ENPP3: variants seen among roughly 807,000 people sequenced by gnomAD.
The protein encoded by ENPP3 is ectonucleotide pyrophosphatase/phosphodiesterase 3.
ENPP3 carries 104 observed loss-of-function variants against 117.8 expected under a neutral mutation model. The observed-to-expected ratio is 0.88, with a 90% CI of 0.75 to 1.04. The LOEUF is 1.04. ENPP3 is among the 50% of genes least tolerant of loss of function. ENPP3 has a pLI of 0.00. For missense variants in ENPP3, 1,026 were observed against 1,051.9 expected (o/e 0.98, Z 0.34); for synonymous variants, 380 against 349.9 (o/e 1.09, Z -0.96).
intron 14 of ENPP3, among the ~76,000 whole-genome samples, chr6:131,690,907 ACT>A (rs935281893): frequency 1.3e-5 from 2 of 151,782 alleles, no homozygotes; most frequent in Non-Finnish European, 2.9e-5. Flanking sequence ...CAACATGTGG[ACT>A]CTCTAAATCC....
At position 131,734,272 on chromosome 6, in the gene ENPP3, T is replaced by TTTG. The variant is rs956264655; in HGVS notation, c.2089+570_2089+572dup. Among the ~76,000 whole-genome samples the TTTG allele has an allele frequency of 5.5e-3, 844 of 152,140 alleles. 9 individuals carry two copies. Among genetic ancestry groups the TTTG allele is most frequent in the African/African-American group, 0.019 (775 of 41,486 alleles). ...GAAGTAGCCAAATGAAATTTAAGTT[T>TTTG]TTGTTGTTGTTGTTGTTGTTGTTTT... On this transcript the variant is annotated intron_variant, in intron 21 of 24. Transcript: ENST00000357639.
chr6:131,662,065 G>C (rs1430859180), intron 6 of ENPP3, among the ~76,000 whole-genome samples: 1 of 152,098 alleles, frequency 6.6e-6, no homozygotes, highest in African/African-American at 2.4e-5. Flanking sequence ...ACTTTGAGTT[G>C]ATTTTTGTGT....
chr6:131,637,493 A>T (rs758025383), intron 1 of ENPP3, 31 bp downstream of exon 1: 1 of 1,257,894 alleles, frequency 7.9e-7, no homozygotes, highest in Non-Finnish European at 1.1e-6. Flanking sequence ...TAGTCTTTCT[A>T]GTTTTGTGAC....
Position 131,652,831 on chromosome 6 carries a change from G to A in ENPP3, c.404G>A (p.Gly135Glu). The change falls in exon 5 of 25, where the codon GGA becomes GAA. Residue 135 changes from glycine to glutamate, a missense_variant and splice_region_variant. Coordinates refer to ENST00000357639, the MANE Select transcript of ENPP3 (RefSeq NM_005021.5). Reference protein sequence around the residue: ...CCADYKSVCQGETSWLEENCD... With the variant: ...CCADYKSVCQEETSWLEENCD... ...AAGATTTTGATCTTATGCTTTTCAGGAGAAACCTCATGGCTGGAAGAAAAC... is the reference window on the plus strand; with the variant it reads ...AAGATTTTGATCTTATGCTTTTCAGAAGAAACCTCATGGCTGGAAGAAAAC... The A allele has an allele frequency of 6.2e-7, 1 of 1,613,082 alleles. No individual in the cohort carries two copies. The highest frequency in any genetic ancestry group is 8.5e-7 in the Non-Finnish European group (1 of 1,179,100).
At chr6:131,654,642 C>G (rs908471095) in intron 5 of ENPP3, among the ~76,000 whole-genome samples, 3 of 151,910 alleles carry the variant, frequency 2.0e-5, no homozygotes, top group Admixed American at 6.6e-5. Context: ...AGTGTTTTTC[C>G]ATGTTGCCCA....
chr6:131,690,821 A>G (rs1779261246), intron 14 of ENPP3, among the ~76,000 whole-genome samples: 1 of 151,888 alleles, frequency 6.6e-6, no homozygotes, highest in Admixed American at 6.6e-5. Context: ...AACTGTGGAC[A>G]TTCTTGCCCA....
chr6:131,641,360 C>T (rs1255122717), intron 1 of ENPP3, 95 bp from the exon 2 acceptor site: 3 of 704,092 alleles, frequency 4.3e-6, no homozygotes, highest in Non-Finnish European at 7.4e-6. Context: ...TAGTACGCTG[C>T]AGGTACTTAG....
chr6:131,674,428 G>A (rs937660802), intron 8 of ENPP3, 147 bp downstream of exon 8: 4 of 747,098 alleles, frequency 5.4e-6, no homozygotes, highest in African/African-American at 5.2e-5. Flanking sequence ...ACCACTATTT[G>A]TAACTTGAAT....
In ENPP3 at chr6:131,743,783, C is replaced by A. The variant is rs180943712; in HGVS notation, c.2458-3003C>A. ...GAAGTTGCAGTGAGTGGAGATCAGG[C>A]CACTGCACTCCAGCCTGGGCAACAG... On this transcript the variant is annotated intron_variant, in intron 24 of 24. Transcript: ENST00000357639. 1.1e-3 allele frequency among the ~76,000 whole-genome samples: 161 copies of A among 151,782 alleles called. 1 individual carries two copies. Among genetic ancestry groups the A allele is most frequent in the African/African-American group, 3.7e-3 (154 of 41,318 alleles).
intron 22 of ENPP3, 122 bp downstream of exon 22, chr6:131,737,554 G>C (rs1780425474): frequency 1.1e-5 from 7 of 632,234 alleles, no homozygotes; most frequent in Non-Finnish European, 1.9e-5. Flanking sequence ...TTGTTCTAAT[G>C]GTTTAAATAT....
At position 131,664,872 on chromosome 6, in the gene ENPP3, C is replaced by G. The variant is rs1266033652; in HGVS notation, c.563-6376C>G. Among the ~76,000 whole-genome samples, 7 of 152,100 alleles carry G rather than the reference C, an allele frequency of 4.6e-5. No homozygotes were observed. The East Asian group carries it at 1.3e-3, about 29-fold the overall frequency. On this transcript the variant is annotated intron_variant, in intron 6 of 24. Coordinates refer to ENST00000357639, the MANE Select transcript of ENPP3 (RefSeq NM_005021.5). ...TATGTTTGCACAATGATGGAATTGT[C>G]TAACAACACATTTCTAGGAATGTAT...
intron 1 of ENPP3, among the ~76,000 whole-genome samples, chr6:131,639,265 A>ATATATTTTT (rs371737976): frequency 1.8e-3 from 195 of 107,172 alleles, no homozygotes; most frequent in African/African-American, 7.4e-3. Flanking sequence ...ATATATATAT[A>ATATATTTTT]TTTTTTTTTT....
intron 20 of ENPP3, among the ~76,000 whole-genome samples, chr6:131,728,402 G>A (rs1780202749): frequency 6.6e-6 from 1 of 152,188 alleles, no homozygotes; most frequent in African/African-American, 2.4e-5. Context: ...AGTGGGCTCA[G>A]ACTAGGAGTT....
chr6:131,730,422 C>T (rs552773578), intron 20 of ENPP3, among the ~76,000 whole-genome samples: 2 of 152,308 alleles, frequency 1.3e-5, no homozygotes, highest in African/African-American at 2.4e-5. Flanking sequence ...ACTCATCCAA[C>T]ACATTTAGCA....
chr6:131,639,533 G>T (rs1300303099), intron 1 of ENPP3, among the ~76,000 whole-genome samples: 1 of 151,908 alleles, frequency 6.6e-6, no homozygotes, highest in East Asian at 1.9e-4. Context: ...CTCTCTAGTG[G>T]TTTTTGAGTA....
At chr6:131,672,447 G>A (rs1200683067) in intron 7 of ENPP3, among the ~76,000 whole-genome samples, 1 of 152,044 alleles carries the variant, frequency 6.6e-6, no homozygotes, top group African/African-American at 2.4e-5. Flanking sequence ...TGAGGTATGA[G>A]TGATAGTGAA....
rs535729818 is a variant in ENPP3, at chr6:131,733,705, G to A, written c.2071G>A (p.Gly691Ser). ...TTTAGCAGACAAGAATATCACCCAC[G>A]GCTTCCTCTATCCTCCTGGTTAGTA... ...FYLADKNITH[G>S]FLYPPASNRT... is the part of the protein sequence containing the mutation. Residue 691 changes from glycine (G) to serine (S), a missense_variant, in exon 21 of 25, where the codon GGC becomes AGC. Physicochemically the swap from Gly to Ser is moderately conservative, Grantham distance 56. Transcript: ENST00000357639. 1.5e-5 allele frequency: 25 copies of A among 1,613,984 alleles called. No homozygotes were observed. The highest frequency in any genetic ancestry group is 1.7e-4 in the Middle Eastern group (1 of 6,058).
intron 14 of ENPP3, among the ~76,000 whole-genome samples, chr6:131,692,661 AAT>A (rs947100860): frequency 5.4e-5 from 8 of 147,188 alleles, no homozygotes; most frequent in African/African-American, 9.9e-5. Flanking sequence ...ATAGTGGTTT[AAT>A]ATATATATAA....
chr6:131,722,241 C>T lies in ENPP3; in HGVS notation c.1582C>T (p.Gln528Ter). 6.2e-7 allele frequency: 1 copy of T among 1,612,430 alleles called. No homozygotes were observed. ...YNLMCDLLRIQPAPNNGTHGS... is the reference protein window; with the variant it reads ...YNLMCDLLRI ...TCAAAAAACAGATCTTCTACGCATTCAACCAGCACCAAACAATGGAACCCA... is the reference window on the plus strand; with the variant it reads ...TCAAAAAACAGATCTTCTACGCATTTAACCAGCACCAAACAATGGAACCCA... Residue 528 changes from glutamine (Q) to a stop codon, truncating the protein, a stop_gained, in exon 18 of 25, where the codon CAA becomes TAA. Coordinates refer to ENST00000357639, the MANE Select transcript of ENPP3 (RefSeq NM_005021.5). LOFTEE classifies it high-confidence loss of function.
Sources: gnomAD v4.1 joint callset for allele counts (sites outside exome capture counted in the v4.1 genomes callset) on GRCh38, gnomAD v4.1.1 for gene constraint, MANE v1.5 for transcripts, NCBI Gene and HGNC (gene_info 2026-07-23, HGNC 2026-07-21) for gene names.